Variants in CARD14 observed in about 807,000 individuals in gnomAD.
CARD14 encodes caspase recruitment domain-containing protein 14.
A neutral mutation model predicts 111.5 loss-of-function variants in CARD14; 107 were observed. The ratio of observed to expected loss-of-function variants is 0.96; its 90% CI spans 0.82 to 1.13. The LOEUF (loss-of-function observed/expected upper bound fraction) is 1.13. CARD14 is among the 50% of genes most tolerant of loss of function. The pLI, the probability that CARD14 is intolerant of heterozygous loss-of-function variation, is 0.00. For synonymous variants in CARD14, 617 were observed against 579.6 expected (o/e 1.06, Z -0.93); for missense variants, 1,322 against 1,362.3 (o/e 0.97, Z 0.47).
At chr17:80,191,589 G>T (rs934391099) in intron 11 of CARD14, 117 bp downstream of exon 11, 26 of 1,332,976 alleles carry the variant, frequency 2.0e-5, no homozygotes, top group African/African-American at 4.3e-5. Context: ...AGGGTCCCAG[G>T]CTGGGCCACA....
At chr17:80,177,499 C>T (rs995892526) in intron 2 of CARD14, among the ~76,000 whole-genome samples, 1 of 152,056 alleles carries the variant, frequency 6.6e-6, no homozygotes, top group Non-Finnish European at 1.5e-5. Context: ...AGATCGAGAC[C>T]AGCCTGGCCA....
chr17:80,174,168 T>C (rs2144084504), intron 2 of CARD14, among the ~76,000 whole-genome samples: 1 of 152,236 alleles, frequency 6.6e-6, no homozygotes, highest in South Asian at 2.1e-4. Context: ...GACCCCATTC[T>C]CCACAAAACG....
At chr17:80,180,935 G>C (rs1289354630) in intron 4 of CARD14, among the ~76,000 whole-genome samples, 1 of 152,044 alleles carries the variant, frequency 6.6e-6, no homozygotes, top group Admixed American at 6.5e-5. Flanking sequence ...ACTAATTTTT[G>C]TATTTTTAGT....
rs2040983402 is a variant in CARD14 at position 80,201,695 on chromosome 17, G to C, written c.1852-49G>C. The C allele has an allele frequency of 1.9e-6, 3 of 1,610,922 alleles. No homozygotes were observed. The African/African-American group carries it at 4.0e-5, about 21-fold the overall frequency. ...CTCAGCGCCTTCTGTCTTCTGGCTG[G>C]ATTCAGAGTCCCGGGGGAAAGAGAC... is the stretch of plus-strand genomic sequence containing the variant. On this transcript the variant is annotated intron_variant, in intron 16 of 23. Transcript: ENST00000648509. This position sits in a 1 kb window ranked among gnomAD's most constrained non-coding sequence, Gnocchi z 5.0.
At chr17:80,171,884 C>T (rs991949810) in intron 1 of CARD14, among the ~76,000 whole-genome samples, 14 of 152,210 alleles carry the variant, frequency 9.2e-5, no homozygotes, top group African/African-American at 3.4e-4. Flanking sequence ...AAGTCAGGGG[C>T]AGAGGGACAA....
In CARD14 at chr17:80,203,995, G is replaced by GAGCCCCCACCT; in HGVS notation, c.2283+110_2283+111insAGCCCCCACCT. ...GTGGAGAGTGGGCTGCTGATTGGAG[G>GAGCCCCCACCT]GTAACCCCACCTGTCTCTCCTCTGC... On this transcript the variant is annotated intron_variant, in intron 19 of 23. Coordinates refer to ENST00000648509, the MANE Select transcript of CARD14 (RefSeq NM_001366385.1). This position sits in a 1 kb window ranked among gnomAD's most constrained non-coding sequence, Gnocchi z 4.6. 1 of 946,272 alleles carries GAGCCCCCACCT rather than the reference G, an allele frequency of 1.1e-6. No individual in the cohort carries two copies. Among genetic ancestry groups the GAGCCCCCACCT allele is most frequent in the Non-Finnish European group, 1.6e-6 (1 of 625,146 alleles). The allele number at this position is 946,272 out of a possible 1,614,324, so 58.6% of individuals were successfully genotyped here. A position where few individuals can be genotyped will look rare whatever the true frequency, so the allele number is the denominator to read the frequency against.
chr17:80,199,726 A>C (rs941418686), intron 16 of CARD14, among the ~76,000 whole-genome samples: 2 of 102,738 alleles, frequency 1.9e-5, no homozygotes, highest in Admixed American at 8.4e-5. Flanking sequence ...TAAAAATACA[A>C]AAAAAAAAAA....
intron 22 of CARD14, among the ~76,000 whole-genome samples, chr17:80,206,132 G>A (rs1165142543): frequency 6.6e-6 from 1 of 152,182 alleles, no homozygotes; most frequent in East Asian, 1.9e-4. Context: ...CAAAGGGATG[G>A]AAACTCTTAA....
At chr17:80,184,381 C>T in intron 7 of CARD14, 143 bp downstream of exon 7, 1 of 742,504 alleles carries the variant, frequency 1.3e-6, no homozygotes, top group Non-Finnish European at 2.0e-6. Context: ...GCTGAGACCC[C>T]TCTGGGAAGC....
intron 1 of CARD14, among the ~76,000 whole-genome samples, chr17:80,170,736 C>T (rs1451082377): frequency 2.0e-5 from 3 of 150,352 alleles, no homozygotes; most frequent in African/African-American, 7.3e-5. Flanking sequence ...CAGTTAGATT[C>T]AGAGTTTGGA....
chr17:80,204,020 C>A, intron 19 of CARD14, 135 bp downstream of exon 19: 2 of 829,602 alleles, frequency 2.4e-6, no homozygotes, highest in Non-Finnish European at 3.8e-6. Flanking sequence ...CTCTCCTCTG[C>A]ACCCCTTCAA....
chr17:80,186,841 C>T (rs899034206), intron 7 of CARD14, among the ~76,000 whole-genome samples: 6 of 152,326 alleles, frequency 3.9e-5, no homozygotes, highest in Middle Eastern at 3.4e-3. Flanking sequence ...TGAGCCACCA[C>T]GCCCGGCCTC....
At chr17:80,204,662 A>G (rs747620097) in intron 20 of CARD14, 3 of 381,718 alleles carry the variant, frequency 7.9e-6, no homozygotes, top group Non-Finnish European at 1.4e-5. Flanking sequence ...AGTACAGGAC[A>G]GAGGGAGGGC....
intron 2 of CARD14, among the ~76,000 whole-genome samples, chr17:80,175,337 C>A (rs2040000175): frequency 6.6e-6 from 1 of 152,198 alleles, no homozygotes; most frequent in African/African-American, 2.4e-5. Flanking sequence ...GTGGTTGCTG[C>A]TTTATTCACT....
At chr17:80,202,542 A>T (rs2041042297) in intron 18 of CARD14, 122 bp downstream of exon 18, 84 of 1,473,822 alleles carry the variant, frequency 5.7e-5, no homozygotes, top group Non-Finnish European at 7.4e-5. Flanking sequence ...GACCCCCCTA[A>T]GGAGGGAAGC....
chr17:80,193,204 G>A (rs1036180368), intron 12 of CARD14, among the ~76,000 whole-genome samples: 3 of 152,146 alleles, frequency 2.0e-5, no homozygotes, highest in African/African-American at 7.2e-5. Flanking sequence ...AGTTTCCAGG[G>A]GAACCGATTC....
intron 9 of CARD14, among the ~76,000 whole-genome samples, chr17:80,190,570 G>A (rs542034185): frequency 6.7e-6 from 1 of 150,372 alleles, no homozygotes; most frequent in East Asian, 2.0e-4. Flanking sequence ...CCGAGATTGC[G>A]CCATTGCACT....
chr17:80,173,314 A>ACGCGCG (rs2039948773), intron 2 of CARD14, 86 bp downstream of exon 2: 1 of 111,956 alleles, frequency 8.9e-6, no homozygotes, highest in African/African-American at 3.4e-5. Flanking sequence ...ACACACACAC[A>ACGCGCG]CACACACACA....
At chr17:80,181,170 T>C (rs992591967) in intron 4 of CARD14, among the ~76,000 whole-genome samples, 4 of 152,126 alleles carry the variant, frequency 2.6e-5, no homozygotes, top group Admixed American at 2.0e-4. Flanking sequence ...TTTAGTGACT[T>C]TATTGCTTAG....
Sources: allele counts gnomAD v4.1 joint callset (sites outside exome capture counted in the v4.1 genomes callset), GRCh38; gene constraint gnomAD v4.1.1; non-coding constraint Gnocchi (gnomAD v3.1); transcripts MANE v1.5; gene names NCBI Gene and HGNC (gene_info 2026-07-23, HGNC 2026-07-21).